The following SDHA variants were observed in gnomAD, a reference collection of about 807,000 sequenced individuals.
SDHA encodes succinate dehydrogenase [ubiquinone] flavoprotein subunit, mitochondrial.
In SDHA, 48 loss-of-function variants were observed where a neutral mutation model predicts 78.4. That is an observed-to-expected ratio of 0.61 (90% CI 0.49 to 0.78). SDHA has a LOEUF of 0.78. SDHA is among the 30% of genes least tolerant of loss of function. The probability of loss-of-function intolerance (pLI) is 0.00; values close to 1 mark genes in which losing one functional copy is unlikely to be tolerated. For synonymous variants in SDHA, 326 were observed against 353.9 expected, an observed-to-expected ratio of 0.92 and a Z score of 0.88; for missense variants, 680 against 892.7, an observed-to-expected ratio of 0.76 and a Z score of 3.04.
At chr5:230,461 T>C (rs1735327572) in intron 6 of SDHA, among the ~76,000 whole-genome samples, 1 of 151,980 alleles carries the variant, frequency 6.6e-6, no homozygotes, top group African/African-American at 2.4e-5. Flanking sequence ...ACCCCATCTC[T>C]ACTAAAAATA....
chr5:218,574 G>A (rs1734521442), intron 1 of SDHA, among the ~76,000 whole-genome samples, 156 bp downstream of exon 1: 2 of 152,230 alleles, frequency 1.3e-5, no homozygotes, highest in Non-Finnish European at 2.9e-5. Flanking sequence ...GGGCCGGTGC[G>A]AGGGGAAGCC....
At chr5:250,942 A>C in intron 11 of SDHA, 50 bp from the exon 12 acceptor site, 1 of 1,498,108 alleles carries the variant, frequency 6.7e-7, no homozygotes, top group Non-Finnish European at 9.3e-7. Context: ...AGTTCTTGGT[A>C]TGGCTGCTTC....
intron 2 of SDHA, 38 bp from the exon 3 acceptor site, chr5:224,322 T>C: frequency 6.2e-7 from 1 of 1,603,526 alleles, no homozygotes; most frequent in Non-Finnish European, 8.5e-7. Flanking sequence ...TTTGGCATAG[T>C]GGAACATGTG....
At chr5:263,855 C>T in the SDHA span, among the ~76,000 whole-genome samples, 2 of 148,836 alleles carry the variant, frequency 1.3e-5, no homozygotes, top group East Asian at 3.9e-4. Flanking sequence ...TTCTAGACTG[C>T]CTCAAAAAAA....
intron 11 of SDHA, among the ~76,000 whole-genome samples, chr5:243,398 T>G (rs1372477313): frequency 6.6e-6 from 1 of 152,184 alleles, no homozygotes; most frequent in Non-Finnish European, 1.5e-5. Flanking sequence ...TGGTGGGCAG[T>G]TGTAGCTTCC....
At position 236,639 on chromosome 5, in the gene SDHA, G is replaced by A. The variant is rs753301615; in HGVS notation, c.1432+40G>A. On this transcript the variant is annotated intron_variant, in intron 10 of 14. Coordinates refer to ENST00000264932, the MANE Select transcript of SDHA (RefSeq NM_004168.4). ...CAGGAGCCAGACTATTTGAGAAGGC[G>A]CAGGACGTTAGAAAGTCTTTTTTCT... The A allele has an allele frequency of 5.9e-5, 94 of 1,591,570 alleles. 1 individual carries two copies. The East Asian group carries it at 1.7e-3, about 29-fold the overall frequency.
At chr5:234,815 G>A in intron 8 of SDHA, 1 of 379,820 alleles carries the variant, frequency 2.6e-6, no homozygotes, top group South Asian at 2.4e-5. Flanking sequence ...ACCTGCCACG[G>A]ATACGCAGGG....
At chr5:266,139 A>T in the SDHA span, among the ~76,000 whole-genome samples, 1 of 152,368 alleles carries the variant, frequency 6.6e-6, no homozygotes, top group East Asian at 1.9e-4. Flanking sequence ...TCCACAGCTG[A>T]CATGTAATGG....
At chr5:231,626 C>T (rs115838673) in intron 7 of SDHA, among the ~76,000 whole-genome samples, 2,144 of 151,842 alleles carry the variant, frequency 0.014, 67 homozygotes, top group African/African-American at 0.049. Context: ...AGGTCGTCAG[C>T]TCCTCGGGCA....
chr5:234,865 C>A, intron 8 of SDHA: 1 of 496,518 alleles, frequency 2.0e-6, no homozygotes, highest in Non-Finnish European at 3.7e-6. Flanking sequence ...AATGCACTTA[C>A]CAAGGACACC....
At position 233,510 on chromosome 5, in the gene SDHA, G is replaced by A. The variant is rs760542965; in HGVS notation, c.929G>A (p.Gly310Glu). 6 of 1,614,236 alleles carry A rather than the reference G, an allele frequency of 3.7e-6. No individual in the cohort carries two copies. The highest frequency in any genetic ancestry group is 3.3e-5 in the South Asian group (3 of 91,086). ...IYGAGCLITE[G>E]CRGEGGILIN... is the part of the protein sequence containing the mutation. Reference sequence around the variant, plus strand: ...GGTGCTGGTTGTCTCATTACGGAAGGATGTCGTGGAGAGGGAGGCATTCTC... The same window carrying A: ...GGTGCTGGTTGTCTCATTACGGAAGAATGTCGTGGAGAGGGAGGCATTCTC... The change falls in exon 8 of 15, where the codon GGA becomes GAA. Residue 310 changes from glycine to glutamate, a missense_variant. Coordinates refer to ENST00000264932, the MANE Select transcript of SDHA (RefSeq NM_004168.4).
intron 1 of SDHA, among the ~76,000 whole-genome samples, chr5:219,983 T>C (rs1288467401): frequency 2.0e-5 from 3 of 152,228 alleles, no homozygotes; most frequent in Non-Finnish European, 2.9e-5. Context: ...ATAGGCTTTT[T>C]TTCCTGAAGA....
At chr5:254,829 A>AAGTC (rs1337244387) in intron 14 of SDHA, among the ~76,000 whole-genome samples, 1 of 151,960 alleles carries the variant, frequency 6.6e-6, no homozygotes, top group Admixed American at 6.6e-5. Context: ...CCTAGCGAGA[A>AAGTC]AGCATCTGTG....
chr5:249,619 A>G (rs765943885), intron 11 of SDHA: 6 of 152,484 alleles, frequency 3.9e-5, no homozygotes, highest in Admixed American at 6.5e-5. Flanking sequence ...CTTTTAGTAA[A>G]TCTTATCACT....
rs551881941 is a variant in SDHA at position 238,787 on chromosome 5, C to T, written c.1433-1571C>T. ...CAGCTTGGGCAACGTGGTGAAACCC[C>T]GTCTCTACCAAAAATACAAAAATTA... On this transcript the variant is annotated intron_variant, in intron 10 of 14. Transcript: ENST00000264932. 6.6e-5 allele frequency among the ~76,000 whole-genome samples: 10 copies of T among 152,146 alleles called. No homozygotes were observed. In the South Asian group the frequency reaches 1.5e-3, roughly 22 times the overall value.
At chr5:268,239 C>G in the SDHA span, among the ~76,000 whole-genome samples, 11 of 151,384 alleles carry the variant, frequency 7.3e-5, no homozygotes, top group South Asian at 1.7e-3. Flanking sequence ...GCTGGAGTGC[C>G]TGGTGCAATC....
rs1579422041 is a variant in SDHA at position 242,492 on chromosome 5, G to A, written c.1551+2016G>A. Among the ~76,000 whole-genome samples, 3 of 152,332 alleles carry A rather than the reference G, an allele frequency of 2.0e-5. No homozygotes were observed. In the South Asian group the frequency reaches 6.2e-4, roughly 32 times the overall value. On this transcript the variant is annotated intron_variant, in intron 11 of 14. Transcript: ENST00000264932. ...TTTTAGTAAATCTTATGACTGGCTT[G>A]CTCTCAATAAATATGTGGGTAAATC...
Position 230,993 on chromosome 5 carries a change from C to T in SDHA, c.888C>T (p.His296=), listed in dbSNP as rs1553998666. The T allele has an allele frequency of 6.2e-7, 1 of 1,613,966 alleles. No individual in the cohort carries two copies. The highest frequency in any genetic ancestry group is 8.5e-7 in the Non-Finnish European group (1 of 1,179,854). Reference sequence around the variant, plus strand: ...AGGACCTAGAGTTTGTTCAGTTCCACCCTACAGGTAGGGCAGGACGCCTTG... The same window carrying T: ...AGGACCTAGAGTTTGTTCAGTTCCATCCTACAGGTAGGGCAGGACGCCTTG... ...PCQDLEFVQF[H]PTGIYGAGCL... The change falls in exon 7 of 15, where the codon CAC becomes CAT. Residue 296 remains histidine (H), a synonymous_variant. Coordinates refer to ENST00000264932, the MANE Select transcript of SDHA (RefSeq NM_004168.4).
intron 1 of SDHA, among the ~76,000 whole-genome samples, 183 bp downstream of exon 1, chr5:218,601 G>T (rs1734523597): frequency 6.6e-6 from 1 of 152,198 alleles, no homozygotes. Flanking sequence ...CGGACTCGGG[G>T]ACCCGGGGAG....
Sources: gnomAD v4.1 joint callset for allele counts (sites outside exome capture counted in the v4.1 genomes callset) on GRCh38, gnomAD v4.1.1 for gene constraint, MANE v1.5 for transcripts, NCBI Gene and HGNC (gene_info 2026-07-23, HGNC 2026-07-21) for gene names.